LIPJ: variants seen among roughly 807,000 people sequenced by gnomAD.
LIPJ encodes lipase family member J.
LIPJ carries 33 observed loss-of-function variants against 39.8 expected under a neutral mutation model. That is an observed-to-expected ratio of 0.83 (90% confidence interval 0.63 to 1.11). The LOEUF (loss-of-function observed/expected upper bound fraction) is 1.11. Among genes scored for constraint, LIPJ ranks in the 50% least tolerant of loss-of-function variants. LIPJ has a pLI of 0.00. For missense variants in LIPJ, 422 were observed against 427.9 expected, an observed-to-expected ratio of 0.99 and a Z score of 0.12; for synonymous variants, 128 against 139.2, an observed-to-expected ratio of 0.92 and a Z score of 0.57.
At chr10:88,592,004 G>T (rs1851095226) in intron 4 of LIPJ, 1 of 151,844 alleles carries the variant, frequency 6.6e-6, no homozygotes, top group Non-Finnish European at 1.5e-5. Flanking sequence ...TGTAATCCTA[G>T]ATCTGCCACT....
upstream of LIPJ, chr10:88,585,622 C>T (rs1850884199): frequency 6.6e-6 from 1 of 151,856 alleles, no homozygotes; most frequent in Non-Finnish European, 1.5e-5. Flanking sequence ...TGAGTTCAAG[C>T]CATTAGGTTT....
At chr10:88,582,942 G>A (rs1463581384), upstream of LIPJ, 5 of 1,090,056 alleles carry the variant, frequency 4.6e-6, no homozygotes, top group Admixed American at 3.2e-5. Context: ...CATGGGCCGC[G>A]CTACACGGCC....
chr10:88,608,950 C>T (rs1335688766), downstream of LIPJ, among the ~76,000 whole-genome samples: 1 of 152,200 alleles, frequency 6.6e-6, no homozygotes, highest in East Asian at 1.9e-4. Flanking sequence ...TCCAATTACA[C>T]AGGGCTTACA....
chr10:88,605,249 GT>G (rs1851622152), intron 9 of LIPJ, among the ~76,000 whole-genome samples: 1 of 152,148 alleles, frequency 6.6e-6, no homozygotes, highest in Admixed American at 6.5e-5. Flanking sequence ...GAGCCCTATT[GT>G]TTGAAGCATG....
At chr10:88,582,989 A>G (rs1850731960), upstream of LIPJ, 2 of 1,470,868 alleles carry the variant, frequency 1.4e-6, no homozygotes, top group Non-Finnish European at 1.8e-6. Context: ...TTCGCCTTAG[A>G]CTTTCTTGGG....
chr10:88,613,735 G>A, the LIPJ span, among the ~76,000 whole-genome samples: 1 of 126,116 alleles, frequency 7.9e-6, no homozygotes, highest in Non-Finnish European at 1.7e-5. Context: ...TGAAACTAAA[G>A]GCATCCTGAT....
chr10:88,620,474 T>C, the LIPJ span, among the ~76,000 whole-genome samples: 4 of 152,180 alleles, frequency 2.6e-5, no homozygotes, highest in African/African-American at 9.7e-5. Context: ...ATTAAAATTT[T>C]AAATTCTAAA....
upstream of LIPJ, chr10:88,583,104 G>C (rs752866930): frequency 6.2e-7 from 1 of 1,614,104 alleles, no homozygotes; most frequent in South Asian, 1.1e-5. Context: ...ACACAGCAAG[G>C]TACAAGGGAC....
downstream of LIPJ, among the ~76,000 whole-genome samples, chr10:88,610,840 T>C (rs923538458): frequency 2.0e-5 from 3 of 152,256 alleles, no homozygotes; most frequent in Admixed American, 2.0e-4. Context: ...CTTTAACCTC[T>C]ACATTACATC....
chr10:88,606,696 T>A, exon 11 of LIPJ: 1 of 1,612,164 alleles, frequency 6.2e-7, no homozygotes, highest in Non-Finnish European at 8.5e-7. Context: ...TTATACAACA[T>A]GACAAACATG....
At chr10:88,601,572 A>G (rs1346594302) in intron 8 of LIPJ, among the ~76,000 whole-genome samples, 4 of 152,262 alleles carry the variant, frequency 2.6e-5, no homozygotes, top group East Asian at 3.9e-4. Flanking sequence ...TCCCTGCACC[A>G]TATTGGAAAA....
intron 2 of LIPJ, among the ~76,000 whole-genome samples, chr10:88,588,173 C>T (rs77725034): frequency 0.02 from 3,055 of 151,854 alleles, 77 homozygotes; most frequent in South Asian, 0.085. Context: ...TATAAATAAA[C>T]AATTTTCTCT....
chr10:88,615,550 C>T, the LIPJ span, among the ~76,000 whole-genome samples: 2 of 146,542 alleles, frequency 1.4e-5, no homozygotes, highest in Non-Finnish European at 3.0e-5. Flanking sequence ...ATCACTTGAA[C>T]CTGTGAGGCA....
the LIPJ span, among the ~76,000 whole-genome samples, chr10:88,620,617 G>A: frequency 6.6e-6 from 1 of 152,100 alleles, no homozygotes; most frequent in Non-Finnish European, 1.5e-5. Flanking sequence ...CTGTTAGAAT[G>A]GCTGAAAAAA....
chr10:88,595,298 G>A (rs1243928461), intron 6 of LIPJ, among the ~76,000 whole-genome samples: 12 of 151,532 alleles, frequency 7.9e-5, no homozygotes, highest in Non-Finnish European at 1.3e-4. Context: ...CTTTACTTTC[G>A]GAAATAAATG....
the LIPJ span, among the ~76,000 whole-genome samples, chr10:88,621,687 T>TAAAAA: frequency 2.0e-5 from 3 of 151,114 alleles, no homozygotes; most frequent in African/African-American, 7.3e-5. Flanking sequence ...AAGCCTGACC[T>TAAAAA]AAAAAAAAAG....
chr10:88,616,523 C>T, the LIPJ span, among the ~76,000 whole-genome samples: 1 of 152,250 alleles, frequency 6.6e-6, no homozygotes, highest in Non-Finnish European at 1.5e-5. Context: ...AGAGGCCCGA[C>T]CTGCTGAGGC....
chr10:88,599,122 T>C (rs1851375280), intron 8 of LIPJ, among the ~76,000 whole-genome samples: 1 of 150,984 alleles, frequency 6.6e-6, no homozygotes, highest in African/African-American at 2.4e-5. Flanking sequence ...GAACTTTATT[T>C]TTGACAGTTT....
At chr10:88,594,010 T>C in exon 5 of LIPJ, 1 of 1,612,394 alleles carries the variant, frequency 6.2e-7, no homozygotes, top group Non-Finnish European at 8.5e-7. Context: ...GGATTTCCAA[T>C]CTTCCCAACA....
Sources: gnomAD v4.1 joint callset for allele counts (sites outside exome capture counted in the v4.1 genomes callset) on GRCh38, gnomAD v4.1.1 for gene constraint, MANE v1.5 for transcripts, NCBI Gene and HGNC (gene_info 2026-07-23, HGNC 2026-07-21) for gene names.